The following RYR2 variants were observed in gnomAD, a reference collection of about 807,000 sequenced individuals.
RYR2 encodes ryanodine receptor 2, also known as cardiac muscle ryanodine receptor-calcium release channel.
RYR2 carries 227 observed loss-of-function variants against 601.1 expected under a neutral mutation model. The observed-to-expected ratio is 0.38, with a 90% CI of 0.34 to 0.42. RYR2 has a LOEUF of 0.42. Among genes scored for constraint, RYR2 ranks in the 10% least tolerant of loss-of-function variants. The pLI is 1.00. For synonymous variants in RYR2, 2,223 were observed against 2,175.1 expected, an observed-to-expected ratio of 1.02 and a Z score of -0.61; for missense variants, 4,646 against 6,156.5, an observed-to-expected ratio of 0.75 and a Z score of 8.21.
chr1:237,609,532 T>G (rs530964684), intron 35 of RYR2, among the ~76,000 whole-genome samples: 7 of 150,578 alleles, frequency 4.6e-5, no homozygotes, highest in South Asian at 2.1e-4. Context: ...ACCATTTTTG[T>G]TTTTTTTTAC....
intron 35 of RYR2, among the ~76,000 whole-genome samples, chr1:237,605,713 G>C (rs1319882322): frequency 6.6e-6 from 1 of 151,904 alleles, no homozygotes; most frequent in African/African-American, 2.4e-5. Context: ...AGCAACTTCA[G>C]CAAAGTCTCA....
intron 5 of RYR2, 97 bp downstream of exon 5, chr1:237,364,469 A>T: frequency 1.7e-6 from 1 of 572,550 alleles, no homozygotes; most frequent in South Asian, 3.3e-5. Flanking sequence ...GTATAGCTGT[A>T]TTATATATAT....
intron 1 of RYR2, among the ~76,000 whole-genome samples, chr1:237,137,238 G>A (rs780622707): frequency 9.2e-5 from 14 of 152,076 alleles, no homozygotes; most frequent in Non-Finnish European, 2.1e-4. Flanking sequence ...CTGGTGGAAG[G>A]AGCCTGGGTC....
rs1175893227 is a variant in RYR2 at position 237,783,772 on chromosome 1, C to T, written c.12060C>T (p.Phe4020=). 1 of 1,612,968 alleles carries T rather than the reference C, an allele frequency of 6.2e-7. No homozygotes were observed. The highest frequency in any genetic ancestry group is 1.7e-5 in the Admixed American group (1 of 59,904). The part of the protein sequence containing the change: ...VEMILKFFDM[F]LKLKDLTSSD... ...TGATTCTCAAATTTTTTGACATGTT[C>T]TTAAAACTAAAGGATTTGACGTCGT... Residue 4020 remains phenylalanine (F), a synonymous_variant, in exon 90 of 105, where the codon TTC becomes TTT. Transcript: ENST00000366574.
intron 1 of RYR2, among the ~76,000 whole-genome samples, chr1:237,102,206 TG>T (rs1009950726): frequency 6.6e-6 from 1 of 151,742 alleles, no homozygotes; most frequent in Non-Finnish European, 1.5e-5. Context: ...GACAGACAGG[TG>T]GGGGGAGTGC....
chr1:237,173,870 C>T (rs1233701609), intron 1 of RYR2, among the ~76,000 whole-genome samples: 2 of 152,160 alleles, frequency 1.3e-5, no homozygotes, highest in Non-Finnish European at 1.5e-5. Context: ...TCCTGGCTAA[C>T]ATGGTGAAGC....
Position 237,421,006 on chromosome 1 carries a change from T to C in RYR2, c.849-2086T>C, listed in dbSNP as rs528926049. Among the ~76,000 whole-genome samples, 19 of 152,314 alleles carry C rather than the reference T, an allele frequency of 1.2e-4. No individual in the cohort carries two copies. The East Asian group carries it at 1.7e-3, about 14-fold the overall frequency. ...CTGTAATCCCATCACTTTGGGAGGC[T>C]GAGGCGGGCAGATCACAAGGTCAGG... On this transcript the variant is annotated intron_variant, in intron 11 of 104. Coordinates refer to ENST00000366574, the MANE Select transcript of RYR2 (RefSeq NM_001035.3).
At chr1:237,709,684 G>A in intron 70 of RYR2, 117 bp downstream of exon 70, 1 of 549,574 alleles carries the variant, frequency 1.8e-6, no homozygotes, top group Non-Finnish European at 3.2e-6. Context: ...GGAGTTTGAG[G>A]GAATATAAAC....
chr1:237,594,886 G>GTTTTTTTTTTTTTTTTTTTTTTT (rs776702428), intron 33 of RYR2, among the ~76,000 whole-genome samples: 1 of 60,420 alleles, frequency 1.7e-5, no homozygotes. Flanking sequence ...ATATCACTGG[G>GTTTTTTTTTTTTTTTTTTTTTTT]TTTTTTTTTT....
intron 17 of RYR2, among the ~76,000 whole-genome samples, chr1:237,481,051 G>T (rs1413963228): frequency 6.7e-6 from 1 of 149,008 alleles, no homozygotes; most frequent in African/African-American, 2.5e-5. Context: ...TATGTATTTT[G>T]GTAATTTGGC....
chr1:237,661,057 C>A, intron 56 of RYR2, 110 bp downstream of exon 56: 1 of 1,083,674 alleles, frequency 9.2e-7, no homozygotes, highest in Non-Finnish European at 1.2e-6. Flanking sequence ...TCTGAAGAGT[C>A]ACAAAATTTA....
At chr1:237,055,022 C>T (rs1661805856) in intron 1 of RYR2, among the ~76,000 whole-genome samples, 2 of 152,174 alleles carry the variant, frequency 1.3e-5, no homozygotes, top group Admixed American at 1.3e-4. Context: ...GGACAGTTTC[C>T]CACTGTTGCT....
At chr1:237,512,363 A>G (rs1182422484) in intron 24 of RYR2, among the ~76,000 whole-genome samples, 2 of 152,210 alleles carry the variant, frequency 1.3e-5, no homozygotes, top group Admixed American at 1.3e-4. Flanking sequence ...ACCATAGGTA[A>G]TTTGAGAAGC....
chr1:237,448,013 C>T (rs1657597372), intron 14 of RYR2, among the ~76,000 whole-genome samples: 1 of 149,886 alleles, frequency 6.7e-6, no homozygotes, highest in African/African-American at 2.5e-5. Flanking sequence ...CTGCAACCTG[C>T]CTCCCAGGTT....
At chr1:237,370,464 A>T (rs1374984410) in intron 6 of RYR2, among the ~76,000 whole-genome samples, 4 of 152,130 alleles carry the variant, frequency 2.6e-5, no homozygotes, top group African/African-American at 9.7e-5. Flanking sequence ...GAAATGGATC[A>T]TCATAAAGAT....
chr1:237,585,942 A>G (rs1030448449), intron 29 of RYR2, among the ~76,000 whole-genome samples: 10 of 152,202 alleles, frequency 6.6e-5, no homozygotes, highest in Non-Finnish European at 1.0e-4. Context: ...AAAGTGATTA[A>G]AAATTACAAA....
At chr1:237,472,457 C>A (rs897998901) in intron 17 of RYR2, among the ~76,000 whole-genome samples, 2 of 152,000 alleles carry the variant, frequency 1.3e-5, no homozygotes, top group Non-Finnish European at 2.9e-5. Context: ...TGAAACACCT[C>A]GTTTACCATT....
chr1:237,814,812 T>TG (rs974474588), intron 100 of RYR2, among the ~76,000 whole-genome samples: 3 of 152,140 alleles, frequency 2.0e-5, no homozygotes, highest in Non-Finnish European at 4.4e-5. Context: ...TTATGCACTT[T>TG]GGGAAAAATA....
chr1:237,173,838 C>T (rs1393835147), intron 1 of RYR2, among the ~76,000 whole-genome samples: 3 of 128,480 alleles, frequency 2.3e-5, no homozygotes, highest in Admixed American at 1.7e-4. Flanking sequence ...GGGCAGATCA[C>T]GAGGTCAGGA....
Sources: gnomAD v4.1 joint callset for allele counts (sites outside exome capture counted in the v4.1 genomes callset) on GRCh38, gnomAD v4.1.1 for gene constraint, MANE v1.5 for transcripts, NCBI Gene and HGNC (gene_info 2026-07-23, HGNC 2026-07-21) for gene names.